The following NEK1 variants were observed in gnomAD, a reference collection of about 807,000 sequenced individuals.
NEK1 encodes the protein serine/threonine-protein kinase Nek1.
A neutral mutation model predicts 182.1 loss-of-function variants in NEK1; 137 were observed. The observed-to-expected ratio is 0.75, with a 90% confidence interval of 0.65 to 0.87. The LOEUF is 0.87. NEK1 is among the 40% of genes least tolerant of loss of function. The pLI is 0.00. For synonymous variants in NEK1, 513 were observed against 492.2 expected (o/e 1.04, Z -0.56); for missense variants, 1,391 against 1,494.4 (o/e 0.93, Z 1.14).
chr4:169,542,213 C>T (rs765316894), intron 18 of NEK1, among the ~76,000 whole-genome samples: 41 of 152,110 alleles, frequency 2.7e-4, no homozygotes, highest in Non-Finnish European at 4.7e-4. Context: ...CTTCGTGTGT[C>T]CATGTGTTCT....
intron 11 of NEK1, among the ~76,000 whole-genome samples, chr4:169,578,483 G>A (rs1196590861): frequency 6.6e-6 from 1 of 151,966 alleles, no homozygotes; most frequent in Non-Finnish European, 1.5e-5. Context: ...AAATTTAACT[G>A]GTAGTTCAAA....
chr4:169,490,183 T>G (rs899404210), intron 23 of NEK1, among the ~76,000 whole-genome samples: 3 of 152,062 alleles, frequency 2.0e-5, no homozygotes, highest in Non-Finnish European at 4.4e-5. Context: ...TTACTCAAAT[T>G]GATTACAACT....
At chr4:169,503,355 T>C (rs1752715279) in intron 23 of NEK1, among the ~76,000 whole-genome samples, 1 of 151,786 alleles carries the variant, frequency 6.6e-6, no homozygotes, top group African/African-American at 2.4e-5. Context: ...TGTTATTTTT[T>C]TGTAAAAAAT....
chr4:169,543,600 G>A (rs1759840352), intron 18 of NEK1, among the ~76,000 whole-genome samples: 1 of 152,120 alleles, frequency 6.6e-6, no homozygotes. Context: ...TCACAATATT[G>A]GTTCTTCCTA....
chr4:169,490,181 A>G (rs1255717553), intron 23 of NEK1, among the ~76,000 whole-genome samples: 1 of 152,164 alleles, frequency 6.6e-6, no homozygotes, highest in Non-Finnish European at 1.5e-5. Flanking sequence ...CATTACTCAA[A>G]TTGATTACAA....
At position 169,537,928 on chromosome 4, in the gene NEK1, A is replaced by G. The variant is rs1424033041; in HGVS notation, c.1563-17T>C. On this transcript the variant is annotated splice_polypyrimidine_tract_variant and intron_variant, in intron 18 of 35. Coordinates refer to ENST00000507142, the MANE Select transcript of NEK1 (RefSeq NM_001199397.3). ...CCTTTTTGCCTAATTTGGACAAATC[A>G]CAAAGTCAGCCATCCTGAACAGAAA... 1.9e-6 allele frequency: 3 copies of G among 1,542,658 alleles called. No individual in the cohort carries two copies. The highest frequency in any genetic ancestry group is 2.7e-6 in the Non-Finnish European group (3 of 1,127,508).
At chr4:169,532,572 T>A (rs1010662641) in intron 19 of NEK1, among the ~76,000 whole-genome samples, 2 of 152,066 alleles carry the variant, frequency 1.3e-5, no homozygotes, top group African/African-American at 4.8e-5. Flanking sequence ...TGTGGAGGCA[T>A]GAGGTATATA....
chr4:169,472,125 C>G (rs902975856), intron 26 of NEK1, among the ~76,000 whole-genome samples: 2 of 151,888 alleles, frequency 1.3e-5, no homozygotes, highest in Non-Finnish European at 2.9e-5. Context: ...GTGAACAGTT[C>G]TGTCTTGCTG....
chr4:169,470,592 T>C (rs1199497176), intron 26 of NEK1, among the ~76,000 whole-genome samples: 3 of 152,196 alleles, frequency 2.0e-5, no homozygotes, highest in African/African-American at 7.2e-5. Flanking sequence ...GACGATTATG[T>C]GTCTTGGGGT....
At chr4:169,515,353 G>A (rs971218732) in intron 19 of NEK1, among the ~76,000 whole-genome samples, 1 of 152,168 alleles carries the variant, frequency 6.6e-6, no homozygotes, top group Non-Finnish European at 1.5e-5. Flanking sequence ...CTGTCTAGTA[G>A]TTCTATCAAT....
intron 19 of NEK1, among the ~76,000 whole-genome samples, chr4:169,536,572 T>C (rs1478082808): frequency 6.6e-6 from 1 of 151,950 alleles, no homozygotes; most frequent in Non-Finnish European, 1.5e-5. Context: ...CCATTACAAA[T>C]TATCATTCAA....
intron 19 of NEK1, among the ~76,000 whole-genome samples, chr4:169,533,115 C>T (rs1757937780): frequency 6.6e-6 from 1 of 152,196 alleles, no homozygotes; most frequent in South Asian, 2.1e-4. Context: ...TCCATTGGGT[C>T]AACCCTGCAT....
intron 29 of NEK1, among the ~76,000 whole-genome samples, chr4:169,428,030 C>T (rs1348020163): frequency 6.6e-6 from 1 of 151,494 alleles, no homozygotes; most frequent in Non-Finnish European, 1.5e-5. Context: ...CTATGTTGCC[C>T]AGGCTGGTAT....
At chr4:169,482,406 C>T (rs1326444791) in intron 23 of NEK1, among the ~76,000 whole-genome samples, 3 of 151,760 alleles carry the variant, frequency 2.0e-5, no homozygotes, top group Non-Finnish European at 4.4e-5. Flanking sequence ...ATCATTCTGC[C>T]TTAGCTTCTC....
At chr4:169,460,680 A>T (rs1199419236) in intron 27 of NEK1, among the ~76,000 whole-genome samples, 1 of 152,168 alleles carries the variant, frequency 6.6e-6, no homozygotes, top group Non-Finnish European at 1.5e-5. Flanking sequence ...AAAAAGAAAG[A>T]TATACTCTGA....
At chr4:169,569,343 T>C (rs955738223) in intron 12 of NEK1, among the ~76,000 whole-genome samples, 4 of 152,218 alleles carry the variant, frequency 2.6e-5, no homozygotes, top group African/African-American at 7.2e-5. Flanking sequence ...TTCTGACACA[T>C]GCATACAATG....
intron 18 of NEK1, among the ~76,000 whole-genome samples, chr4:169,547,278 T>C (rs1199485589): frequency 6.6e-6 from 1 of 152,226 alleles, no homozygotes; most frequent in Non-Finnish European, 1.5e-5. Flanking sequence ...AATTATTTTC[T>C]TGAAGAATGT....
intron 5 of NEK1, among the ~76,000 whole-genome samples, chr4:169,593,745 T>A (rs1233287307): frequency 2.0e-5 from 3 of 152,080 alleles, no homozygotes; most frequent in Admixed American, 2.0e-4. Flanking sequence ...TCCCAGCACT[T>A]TGGGAGGCCT....
At chr4:169,434,708 A>G (rs1175734296) in intron 28 of NEK1, among the ~76,000 whole-genome samples, 41 of 152,192 alleles carry the variant, frequency 2.7e-4, no homozygotes, top group Admixed American at 2.7e-3. Context: ...GAATACAGAC[A>G]TACTTCTCCA....
Sources: allele counts gnomAD v4.1 joint callset (sites outside exome capture counted in the v4.1 genomes callset), GRCh38; gene constraint gnomAD v4.1.1; transcripts MANE v1.5; gene names NCBI Gene and HGNC (gene_info 2026-07-23, HGNC 2026-07-21).